The following MED13 variants were observed in gnomAD, a reference collection of about 807,000 sequenced individuals.
The protein encoded by MED13 is mediator complex subunit 13.
Under a neutral mutation model 225.2 loss-of-function variants are expected in MED13, and 23 were observed. The ratio of observed to expected loss-of-function variants is 0.10; its 90% confidence interval spans 0.07 to 0.14. The LOEUF is 0.14. Ranked by LOEUF, MED13 falls within the 10% of genes least tolerant of loss-of-function variation. The probability of loss-of-function intolerance (pLI) is 1.00; values close to 1 mark genes in which losing one functional copy is unlikely to be tolerated. For synonymous variants in MED13, 942 were observed against 889.2 expected (o/e 1.06, Z -1.06); for missense variants, 2,197 against 2,594.5 (o/e 0.85, Z 3.33).
intron 8 of MED13, among the ~76,000 whole-genome samples, chr17:62,016,579 C>A (rs1002960100): frequency 7.9e-5 from 12 of 152,114 alleles, no homozygotes; most frequent in African/African-American, 2.4e-4. Context: ...AGTGGCTAGT[C>A]CAAATTGAGA....
intron 26 of MED13, 45 bp from the exon 27 acceptor site, chr17:61,953,158 T>A (rs1429374612): frequency 6.4e-7 from 1 of 1,563,480 alleles, no homozygotes; most frequent in Non-Finnish European, 8.6e-7. Context: ...ATTTTCCATA[T>A]CCTATGGTCA....
chr17:61,954,819 A>C (rs1377172805), intron 26 of MED13, among the ~76,000 whole-genome samples: 5 of 152,176 alleles, frequency 3.3e-5, no homozygotes, highest in African/African-American at 1.2e-4. Flanking sequence ...GGGATAATTC[A>C]CAGCACCAGT....
intron 3 of MED13, among the ~76,000 whole-genome samples, chr17:62,040,146 T>TAAATTCA (rs2080841228): frequency 6.6e-6 from 1 of 152,198 alleles, no homozygotes; most frequent in African/African-American, 2.4e-5. Context: ...ACTAACATAG[T>TAAATTCA]AAATTCAGAC....
intron 3 of MED13, among the ~76,000 whole-genome samples, chr17:62,043,145 G>T (rs2080867849): frequency 1.8e-5 from 1 of 55,454 alleles, no homozygotes; most frequent in Non-Finnish European, 3.1e-5. Flanking sequence ...GACAAAGCAA[G>T]ACCCTGTCTC....
rs745816152 is a variant in MED13, at chr17:61,982,675, A to G, written c.3328T>C (p.Tyr1110His). The change falls in exon 16 of 30, where the codon TAC becomes CAC. Residue 1110 changes from tyrosine to histidine, a missense_variant. Transcript: ENST00000397786. The part of the protein sequence containing the change: ...MNIKGADVGV[Y>H]IPDPTQEAQY... ...GCTTCCTGCGTTGGATCTGGAATGT[A>G]AACTCCAACATCGGCACCCTTGATG... 1.7e-5 allele frequency: 27 copies of G among 1,614,086 alleles called. No individual in the cohort carries two copies. Among genetic ancestry groups the G allele is most frequent in the Admixed American group, 3.3e-5 (2 of 60,008 alleles).
chr17:62,008,547 A>G (rs1478687077), intron 9 of MED13, among the ~76,000 whole-genome samples: 1 of 152,036 alleles, frequency 6.6e-6, no homozygotes. Context: ...AGCAATGCCT[A>G]TGAGTTCAAG....
chr17:62,035,997 C>G (rs2080799952), intron 3 of MED13, among the ~76,000 whole-genome samples: 1 of 150,734 alleles, frequency 6.6e-6, no homozygotes, highest in Non-Finnish European at 1.5e-5. Flanking sequence ...AGTATGTTGC[C>G]CAGGGTGGCT....
chr17:62,026,030 C>G (rs2080698503), intron 8 of MED13, among the ~76,000 whole-genome samples: 1 of 152,174 alleles, frequency 6.6e-6, no homozygotes, highest in Non-Finnish European at 1.5e-5. Flanking sequence ...TGGCCCTAAC[C>G]TGCAGGCACT....
intron 6 of MED13, 139 bp downstream of exon 6, chr17:62,031,305 A>T: frequency 4.3e-6 from 3 of 705,244 alleles, no homozygotes; most frequent in Non-Finnish European, 6.7e-6. Context: ...GTTTGGAAAT[A>T]TGGCTAAGGA....
At chr17:62,010,216 CAAA>C (rs759874676) in intron 9 of MED13, among the ~76,000 whole-genome samples, 2 of 89,658 alleles carry the variant, frequency 2.2e-5, no homozygotes, top group Non-Finnish European at 2.4e-5. Context: ...GACTCTGTCT[CAAA>C]AAAAAAAAAA....
intron 2 of MED13, among the ~76,000 whole-genome samples, chr17:62,055,268 T>C (rs776801646): frequency 1.3e-5 from 2 of 151,786 alleles, no homozygotes; most frequent in Admixed American, 1.3e-4. Flanking sequence ...GGCACGGCTG[T>C]AGTCCCAGCT....
chr17:61,989,964 CA>C (rs1359290384), intron 11 of MED13, among the ~76,000 whole-genome samples: 1 of 152,126 alleles, frequency 6.6e-6, no homozygotes, highest in Non-Finnish European at 1.5e-5. Context: ...GCAAAGAATC[CA>C]AACTGTTGAA....
intron 9 of MED13, among the ~76,000 whole-genome samples, chr17:62,001,255 C>T (rs998763254): frequency 2.0e-5 from 3 of 152,170 alleles, no homozygotes; most frequent in Admixed American, 6.5e-5. Flanking sequence ...CTGTTATTCT[C>T]CTACTTTACT....
intron 1 of MED13, among the ~76,000 whole-genome samples, chr17:62,063,864 T>A (rs2081060736): frequency 1.3e-5 from 2 of 152,310 alleles, no homozygotes; most frequent in South Asian, 4.1e-4. Context: ...ATCCTAAAAG[T>A]ACCAAAAATA....
intron 2 of MED13, among the ~76,000 whole-genome samples, chr17:62,056,560 C>G (rs952871182): frequency 2.6e-5 from 4 of 152,014 alleles, no homozygotes; most frequent in African/African-American, 9.7e-5. Context: ...GCTAGGAGTT[C>G]AAGACTAGCC....
At chr17:62,032,848 G>GA (rs1162441739) in intron 5 of MED13, among the ~76,000 whole-genome samples, 2 of 152,094 alleles carry the variant, frequency 1.3e-5, no homozygotes, top group Non-Finnish European at 2.9e-5. Flanking sequence ...CAGCCAATCT[G>GA]AAAAAATCTG....
intron 8 of MED13, among the ~76,000 whole-genome samples, chr17:62,027,389 T>C (rs925781055): frequency 2.6e-5 from 4 of 152,198 alleles, no homozygotes; most frequent in Non-Finnish European, 2.9e-5. Flanking sequence ...CATATGCAGA[T>C]GACTGAAATC....
chr17:62,040,709 A>G (rs998750747), intron 3 of MED13, among the ~76,000 whole-genome samples: 1 of 152,140 alleles, frequency 6.6e-6, no homozygotes, highest in Admixed American at 6.6e-5. Context: ...TCAACCAATT[A>G]AAAAAATGGG....
intron 8 of MED13, among the ~76,000 whole-genome samples, chr17:62,028,275 T>C (rs2080721407): frequency 6.6e-6 from 1 of 152,132 alleles, no homozygotes; most frequent in African/African-American, 2.4e-5. Flanking sequence ...CTGGAGGTCA[T>C]TATCCTTAGC....
Sources: allele counts gnomAD v4.1 joint callset (sites outside exome capture counted in the v4.1 genomes callset), GRCh38; gene constraint gnomAD v4.1.1; transcripts MANE v1.5; gene names NCBI Gene and HGNC (gene_info 2026-07-23, HGNC 2026-07-21).